The following SPATA16 variants were observed in gnomAD, a reference collection of about 807,000 sequenced individuals.
SPATA16 encodes spermatogenesis associated 16.
Under a neutral mutation model 63.3 loss-of-function variants are expected in SPATA16, and 36 were observed. The observed-to-expected ratio is 0.57, with a 90% CI of 0.44 to 0.75. The LOEUF (loss-of-function observed/expected upper bound fraction) is 0.75. SPATA16 is among the 30% of genes least tolerant of loss of function. The probability of loss-of-function intolerance (pLI) is 0.00; values close to 1 mark genes in which losing one functional copy is unlikely to be tolerated. For synonymous variants in SPATA16, 203 were observed against 216.7 expected (o/e 0.94, Z 0.56); for missense variants, 646 against 679.3 (o/e 0.95, Z 0.54).
intron 3 of SPATA16, among the ~76,000 whole-genome samples, chr3:173,026,865 A>G (rs1315175150): frequency 1.3e-5 from 2 of 151,728 alleles, no homozygotes; most frequent in African/African-American, 4.8e-5. Context: ...AGTCCTCCCA[A>G]CTTTGTTCTT....
chr3:173,103,490 C>A (rs1013233330), intron 2 of SPATA16, among the ~76,000 whole-genome samples: 5 of 152,248 alleles, frequency 3.3e-5, no homozygotes, highest in African/African-American at 1.2e-4. Context: ...ACAGGCTTAA[C>A]ACCATGTCAA....
At chr3:172,950,011 T>G (rs1251752873) in intron 6 of SPATA16, among the ~76,000 whole-genome samples, 1 of 152,158 alleles carries the variant, frequency 6.6e-6, no homozygotes, top group African/African-American at 2.4e-5. Flanking sequence ...CTACCCTACC[T>G]CAACTCATGG....
intron 2 of SPATA16, among the ~76,000 whole-genome samples, chr3:173,100,288 T>G (rs1436900204): frequency 6.6e-6 from 1 of 152,172 alleles, no homozygotes; most frequent in Non-Finnish European, 1.5e-5. Context: ...CCCAAATAAG[T>G]AATAGGATAT....
At chr3:172,981,359 G>A (rs1340743556) in intron 4 of SPATA16, among the ~76,000 whole-genome samples, 1 of 152,144 alleles carries the variant, frequency 6.6e-6, no homozygotes, top group Non-Finnish European at 1.5e-5. Context: ...AAACTGCAAA[G>A]CTTCCTGTCT....
chr3:172,902,539 A>C (rs1048680896), intron 10 of SPATA16, among the ~76,000 whole-genome samples: 3 of 152,240 alleles, frequency 2.0e-5, no homozygotes, highest in African/African-American at 7.2e-5. Context: ...TGATAAAGTG[A>C]ATCACCTATT....
chr3:173,061,815 G>A (rs755742226), intron 2 of SPATA16, among the ~76,000 whole-genome samples: 15 of 152,180 alleles, frequency 9.9e-5, no homozygotes, highest in Non-Finnish European at 1.6e-4. Flanking sequence ...CCCTGGGAGC[G>A]ACAGAATATG....
At position 173,107,739 on chromosome 3, in the gene SPATA16, G is replaced by A. The variant is rs536343672; in HGVS notation, c.612+9381C>T. ...ATTTCAGAGTCTGTTTAACTATGAA[G>A]TTGTATGTGTAGGAAGGCTGGAATG... On this transcript the variant is annotated intron_variant, in intron 2 of 10. Transcript: ENST00000351008. Among the ~76,000 whole-genome samples the A allele has an allele frequency of 2.0e-5, 3 of 152,266 alleles. No individual in the cohort carries two copies. In the East Asian group the frequency reaches 5.8e-4, roughly 29 times the overall value.
chr3:172,911,066 G>A (rs976447678), intron 10 of SPATA16, among the ~76,000 whole-genome samples: 3 of 152,216 alleles, frequency 2.0e-5, no homozygotes, highest in African/African-American at 7.2e-5. Context: ...GGCATTAGAA[G>A]GAGAAAGAAG....
At chr3:172,935,446 A>G (rs1017976831) in intron 6 of SPATA16, among the ~76,000 whole-genome samples, 1 of 152,260 alleles carries the variant, frequency 6.6e-6, no homozygotes, top group Non-Finnish European at 1.5e-5. Flanking sequence ...TAGAAAAAAC[A>G]TAAAATATTA....
At chr3:173,112,293 T>C (rs1737768342) in intron 2 of SPATA16, among the ~76,000 whole-genome samples, 1 of 152,226 alleles carries the variant, frequency 6.6e-6, no homozygotes, top group African/African-American at 2.4e-5. Context: ...AAAGTGTTAA[T>C]TGGAGGGCAA....
intron 2 of SPATA16, among the ~76,000 whole-genome samples, chr3:173,108,733 A>G (rs1737678347): frequency 6.6e-6 from 1 of 152,184 alleles, no homozygotes; most frequent in African/African-American, 2.4e-5. Flanking sequence ...ATACAGGTGT[A>G]CCATTTTTTA....
intron 4 of SPATA16, among the ~76,000 whole-genome samples, chr3:172,978,034 T>A (rs1320459503): frequency 6.6e-6 from 1 of 152,104 alleles, no homozygotes; most frequent in Non-Finnish European, 1.5e-5. Context: ...AATTTAAATG[T>A]TTAGATTCTT....
intron 2 of SPATA16, among the ~76,000 whole-genome samples, chr3:173,100,707 C>CAG (rs372027586): frequency 4.9e-5 from 7 of 143,810 alleles, no homozygotes; most frequent in African/African-American, 1.9e-4. Context: ...CACACACACA[C>CAG]AGAGTAAATT....
chr3:173,083,694 G>A (rs1481750863), intron 2 of SPATA16, among the ~76,000 whole-genome samples: 4 of 152,042 alleles, frequency 2.6e-5, no homozygotes, highest in African/African-American at 9.7e-5. Context: ...CTGTGTTTAT[G>A]TGTTCACATT....
At chr3:173,074,739 A>G (rs987954176) in intron 2 of SPATA16, among the ~76,000 whole-genome samples, 1 of 152,108 alleles carries the variant, frequency 6.6e-6, no homozygotes, top group Admixed American at 6.6e-5. Context: ...GAAAGGGACA[A>G]GGGTTGAAAA....
chr3:172,990,075 T>C (rs1734540838), intron 4 of SPATA16, among the ~76,000 whole-genome samples: 1 of 152,206 alleles, frequency 6.6e-6, no homozygotes, highest in African/African-American at 2.4e-5. Context: ...TAGCTATTGG[T>C]ATTCTTTAAA....
At chr3:173,107,453 CTATT>C (rs1164393076) in intron 2 of SPATA16, among the ~76,000 whole-genome samples, 2 of 133,014 alleles carry the variant, frequency 1.5e-5, no homozygotes, top group Admixed American at 1.5e-4. Context: ...CTCTCTCTCT[CTATT>C]TTTTTTTTTT....
At chr3:172,889,828 G>C (rs532461918) in intron 10 of SPATA16, 136 bp from the exon 11 acceptor site, 1 of 1,240,840 alleles carries the variant, frequency 8.1e-7, no homozygotes, top group Non-Finnish European at 1.1e-6. Context: ...AAACAGAAAT[G>C]ATTACACATA....
intron 5 of SPATA16, among the ~76,000 whole-genome samples, chr3:172,961,159 G>C (rs1400984349): frequency 6.9e-6 from 1 of 144,254 alleles, no homozygotes; most frequent in Non-Finnish European, 1.5e-5. Context: ...TGGGCAAATT[G>C]TAACTTTTGA....
Sources: allele counts gnomAD v4.1 joint callset (sites outside exome capture counted in the v4.1 genomes callset), GRCh38; gene constraint gnomAD v4.1.1; transcripts MANE v1.5; gene names NCBI Gene and HGNC (gene_info 2026-07-23, HGNC 2026-07-21).